FCF1: variants seen among roughly 807,000 people sequenced by gnomAD.
The protein encoded by FCF1 is FCF1 rRNA-processing protein.
FCF1 carries 17 observed loss-of-function variants against 32.5 expected under a neutral mutation model. That is an observed-to-expected ratio of 0.52 (90% CI 0.36 to 0.78). FCF1 has a LOEUF of 0.78. Ranked by LOEUF, FCF1 falls within the 30% of genes least tolerant of loss-of-function variation. The pLI is 0.00. For missense variants in FCF1, 201 were observed against 241.1 expected (o/e 0.83, Z 1.10); for synonymous variants, 84 against 78.4 (o/e 1.07, Z -0.38).
At chr14:74,713,398 G>T in intron 1 of FCF1, 87 bp from the exon 2 acceptor site, 2 of 1,538,464 alleles carry the variant, frequency 1.3e-6, no homozygotes, top group South Asian at 1.1e-5. Flanking sequence ...GAGGCAAGAA[G>T]GGAAGGCAAT....
chr14:74,724,194 A>C (rs954976429), intron 5 of FCF1, among the ~76,000 whole-genome samples: 1 of 152,234 alleles, frequency 6.6e-6, no homozygotes, highest in African/African-American at 2.4e-5. Context: ...CTTACAACAC[A>C]GTCTTTTAAC....
At chr14:74,722,194 G>A (rs574412637) in intron 4 of FCF1, among the ~76,000 whole-genome samples, 74 of 152,026 alleles carry the variant, frequency 4.9e-4, no homozygotes, top group African/African-American at 1.8e-3. Flanking sequence ...GATTACAGGT[G>A]CCCAACACCA....
chr14:74,726,068 G>T (rs997538351), intron 5 of FCF1, among the ~76,000 whole-genome samples: 11 of 151,714 alleles, frequency 7.3e-5, no homozygotes, highest in African/African-American at 2.7e-4. Context: ...CTTTAAAAAA[G>T]AAAGAAAAGA....
At chr14:74,714,804 G>A in intron 2 of FCF1, 68 bp from the exon 3 acceptor site, 1 of 1,480,958 alleles carries the variant, frequency 6.8e-7, no homozygotes, top group Non-Finnish European at 8.9e-7. Context: ...TGGAACTTTA[G>A]ATTTTTGAGA....
Position 74,725,255 on chromosome 14 carries a change from C to T in FCF1, c.365+1911C>T, listed in dbSNP as rs1172679679. ...CCTGTAATCCCAGAACTTTGGGAGGCCGAGGCAGGCAGATCATTTGAGGTC... is the reference window on the plus strand; with the variant it reads ...CCTGTAATCCCAGAACTTTGGGAGGTCGAGGCAGGCAGATCATTTGAGGTC... On this transcript the variant is annotated intron_variant, in intron 5 of 7. Coordinates refer to ENST00000341162, the MANE Select transcript of FCF1 (RefSeq NM_015962.5). 2.4e-4 allele frequency among the ~76,000 whole-genome samples: 37 copies of T among 151,652 alleles called. 1 individual carries two copies. The highest frequency in any genetic ancestry group is 4.4e-5 in the Non-Finnish European group (3 of 67,894).
chr14:74,722,111 C>T lies in FCF1; in HGVS notation c.293-1161C>T, dbSNP rs188719900. ...TCACTCAGGCTAGAGTGCAATGGCA[C>T]GATCTTGGCTCATTGCAACCTCCAT... On this transcript the variant is annotated intron_variant, in intron 4 of 7. Transcript: ENST00000341162. Among the ~76,000 whole-genome samples, 13 of 145,248 alleles carry T rather than the reference C, an allele frequency of 9.0e-5. No individual in the cohort carries two copies. In the East Asian group the frequency reaches 1.0e-3, roughly 11 times the overall value.
intron 4 of FCF1, among the ~76,000 whole-genome samples, chr14:74,722,156 C>G (rs2090513033): frequency 6.6e-6 from 1 of 151,292 alleles, no homozygotes; most frequent in Non-Finnish European, 1.5e-5. Context: ...TGAACTGATC[C>G]TCCTGCCTCA....
At chr14:74,730,710 C>A (rs1244056773) in intron 5 of FCF1, among the ~76,000 whole-genome samples, 1 of 152,150 alleles carries the variant, frequency 6.6e-6, no homozygotes, top group Non-Finnish European at 1.5e-5. Context: ...AAGACTCCAT[C>A]TCAAAAAGGC....
rs1236846979 is a variant in FCF1 at position 74,716,076 on chromosome 14, T to C, written c.269T>C (p.Met90Thr). Residue 90 changes from methionine (M) to threonine (T), a missense_variant, in exon 4 of 8, where the codon ATG (methionine) becomes ACG (threonine). Physicochemically the swap from Met to Thr is moderately conservative, Grantham distance 81. Around this residue, in one of 3 missense-constraint regions of FCF1, gnomAD observed 121 missense variants for 147.8 expected, o/e 0.82. Transcript: ENST00000341162. ...IKAKLDLVQS[M>T]MDCLYAKCIP... ...GCCAAACTGGACTTAGTGCAGTCAA[T>C]GATGGACTGTCTGTATGCCAAGTGT... 3 of 1,613,936 alleles carry C rather than the reference T, an allele frequency of 1.9e-6. No individual in the cohort carries two copies. The highest frequency in any genetic ancestry group is 2.5e-6 in the Non-Finnish European group (3 of 1,179,832).
intron 5 of FCF1, among the ~76,000 whole-genome samples, chr14:74,727,462 T>G (rs1421632472): frequency 2.0e-5 from 3 of 152,164 alleles, no homozygotes; most frequent in Non-Finnish European, 4.4e-5. Flanking sequence ...TTGTTTGTTT[T>G]TTTCTTGTAA....
intron 6 of FCF1, 32 bp downstream of exon 6, chr14:74,732,850 C>T (rs1418114352): frequency 1.6e-6 from 2 of 1,265,228 alleles, no homozygotes; most frequent in Middle Eastern, 1.9e-4. Flanking sequence ...TTACTTTGTG[C>T]TTAAAAAAAA....
In FCF1 at chr14:74,714,856, A is replaced by G; in HGVS notation, c.72-16A>G. The G allele has an allele frequency of 6.4e-7, 1 of 1,551,812 alleles. No homozygotes were observed. The highest frequency in any genetic ancestry group is 1.4e-5 in the African/African-American group (1 of 71,996). On this transcript the variant is annotated splice_polypyrimidine_tract_variant and intron_variant, in intron 2 of 7. Coordinates refer to ENST00000341162, the MANE Select transcript of FCF1 (RefSeq NM_015962.5). ...TTTTCTTCTCCCTTGGATTTAATTT[A>G]CCTTTTTCTTCCTAGTAAAGAAAAG...
rs2090686149 is a variant in FCF1, at chr14:74,734,864, A to T, written c.549-18A>T. On this transcript the variant is annotated intron_variant, in intron 7 of 7. Coordinates refer to ENST00000341162, the MANE Select transcript of FCF1 (RefSeq NM_015962.5). Reference sequence around the variant, plus strand: ...CTTCCCATCTTTCTTACCGGTGTTGATTTTTTGTCCTGATCAGATACAACA... The same window carrying T: ...CTTCCCATCTTTCTTACCGGTGTTGTTTTTTTGTCCTGATCAGATACAACA... The T allele has an allele frequency of 2.5e-6, 4 of 1,611,514 alleles. No homozygotes were observed. Among genetic ancestry groups the T allele is most frequent in the Non-Finnish European group, 3.4e-6 (4 of 1,178,132 alleles).
At chr14:74,718,986 C>T (rs551560354) in intron 4 of FCF1, among the ~76,000 whole-genome samples, 1 of 151,704 alleles carries the variant, frequency 6.6e-6, no homozygotes, top group South Asian at 2.1e-4. Flanking sequence ...AAAAATTAGC[C>T]AGGCGCAGCA....
rs2090530760 is a variant in FCF1, at chr14:74,723,316, T to C, written c.337T>C (p.Leu113=). The C allele has an allele frequency of 2.5e-6, 4 of 1,613,636 alleles. No homozygotes were observed. Among genetic ancestry groups the C allele is most frequent in the East Asian group, 2.2e-5 (1 of 44,838 alleles). The change falls in exon 5 of 8, where the codon TTG becomes CTG. Residue 113 remains leucine, a synonymous_variant. Coordinates refer to ENST00000341162, the MANE Select transcript of FCF1 (RefSeq NM_015962.5). The part of the protein sequence containing the change: ...TDCVMAEIEK[L]GQKYRVALRI... ...TTGTGTAATGGCTGAAATTGAGAAA[T>C]TGGGGCAGAAGTATCGAGTGGCTCT...
At chr14:74,728,296 A>G (rs372761822) in intron 5 of FCF1, among the ~76,000 whole-genome samples, 8 of 151,842 alleles carry the variant, frequency 5.3e-5, no homozygotes, top group East Asian at 1.9e-4. Context: ...GTGGTTTGTA[A>G]TTCTCCTTGA....
intron 5 of FCF1, among the ~76,000 whole-genome samples, chr14:74,724,662 TG>T (rs1259189737): frequency 1.3e-5 from 2 of 152,150 alleles, no homozygotes. Flanking sequence ...CCCAACACCT[TG>T]GGAGGCTGAG....
intron 5 of FCF1, among the ~76,000 whole-genome samples, chr14:74,727,316 G>A: frequency 6.6e-6 from 1 of 151,190 alleles, no homozygotes; most frequent in Non-Finnish European, 1.5e-5. Flanking sequence ...GTGTGAGATG[G>A]TATCTCATTG....
At chr14:74,722,781 TG>T (rs923587614) in intron 4 of FCF1, among the ~76,000 whole-genome samples, 6 of 149,412 alleles carry the variant, frequency 4.0e-5, no homozygotes, top group Admixed American at 6.7e-5. Context: ...AAAAAAAAAA[TG>T]TTTTTTTTTA....
Sources: allele counts gnomAD v4.1 joint callset (sites outside exome capture counted in the v4.1 genomes callset), GRCh38; gene constraint gnomAD v4.1.1; regional missense constraint gnomAD v4.1.1; transcripts MANE v1.5; gene names NCBI Gene and HGNC (gene_info 2026-07-23, HGNC 2026-07-21).